Variants in QNG1 observed in about 807,000 individuals in gnomAD.
The protein encoded by QNG1 is queuosine 5'-phosphate N-glycosylase/hydrolase.
At chr9:83,943,913 C>G in the QNG1 span, among the ~76,000 whole-genome samples, 3 of 152,030 alleles carry the variant, frequency 2.0e-5, no homozygotes, top group African/African-American at 7.2e-5. Context: ...CCCAGCTACT[C>G]GGGAGGCTGA....
the QNG1 span, chr9:83,956,494 C>G: frequency 6.6e-7 from 1 of 1,522,026 alleles, no homozygotes. Flanking sequence ...TTTAGGAGCC[C>G]GTCCATTCTG....
the QNG1 span, among the ~76,000 whole-genome samples, chr9:83,947,519 C>T: frequency 1.3e-5 from 2 of 152,130 alleles, no homozygotes; most frequent in African/African-American, 4.8e-5. Flanking sequence ...TTTGCCTCTC[C>T]CTCTCCCTCG....
At chr9:83,948,668 G>C in the QNG1 span, among the ~76,000 whole-genome samples, 1 of 152,240 alleles carries the variant, frequency 6.6e-6, no homozygotes, top group Admixed American at 6.5e-5. Flanking sequence ...GAAATGTGGG[G>C]AAAGGAAAGA....
the QNG1 span, among the ~76,000 whole-genome samples, chr9:83,942,093 T>C: frequency 3.3e-5 from 5 of 152,220 alleles, no homozygotes; most frequent in Non-Finnish European, 7.3e-5. Context: ...TGCCAACATC[T>C]TGATTTCAGA....
At chr9:83,955,595 T>C in the QNG1 span, 1 of 1,614,062 alleles carries the variant, frequency 6.2e-7, no homozygotes, top group African/African-American at 1.3e-5. Flanking sequence ...CCGAACCTGA[T>C]CCAGGGTCAC....
the QNG1 span, among the ~76,000 whole-genome samples, chr9:83,948,448 G>T: frequency 4.9e-5 from 7 of 141,966 alleles, no homozygotes; most frequent in Non-Finnish European, 9.4e-5. Flanking sequence ...CCCCCCGCCC[G>T]GCCAGCCGCC....
At chr9:83,956,405 T>A in the QNG1 span, 1 of 1,596,352 alleles carries the variant, frequency 6.3e-7, no homozygotes, top group Non-Finnish European at 8.5e-7. Context: ...GCAGCAGCTC[T>A]GCCACCCTCC....
chr9:83,955,591 CTGA>C, the QNG1 span: 1 of 1,614,184 alleles, frequency 6.2e-7, no homozygotes, highest in South Asian at 1.1e-5. Context: ...TATTCCGAAC[CTGA>C]TCCAGGGTCA....
At chr9:83,956,252 G>A in the QNG1 span, 2 of 1,614,084 alleles carry the variant, frequency 1.2e-6, no homozygotes, top group Non-Finnish European at 1.7e-6. Flanking sequence ...ACTTGTGCTC[G>A]TCCTGCTCCG....
the QNG1 span, chr9:83,945,063 G>T: frequency 2.5e-6 from 3 of 1,190,108 alleles, no homozygotes; most frequent in Non-Finnish European, 2.3e-6. Context: ...TAAAGGTGCA[G>T]TTGAAACATT....
At chr9:83,956,387 C>T in the QNG1 span, 65 of 1,603,622 alleles carry the variant, frequency 4.1e-5, 1 homozygote, top group Middle Eastern at 8.4e-4. Flanking sequence ...GCCCCGCCGC[C>T]TTGGCCAGCA....
chr9:83,940,640 T>G, the QNG1 span, among the ~76,000 whole-genome samples: 6 of 152,266 alleles, frequency 3.9e-5, no homozygotes, highest in South Asian at 4.2e-4. Context: ...CATATTTTTC[T>G]TATGAGAGAA....
chr9:83,954,199 T>C, the QNG1 span, among the ~76,000 whole-genome samples: 1 of 152,108 alleles, frequency 6.6e-6, no homozygotes, highest in Non-Finnish European at 1.5e-5. Context: ...TGGCCAGAAA[T>C]ACTTTTTATT....
the QNG1 span, among the ~76,000 whole-genome samples, chr9:83,944,274 C>T: frequency 2.6e-5 from 4 of 152,346 alleles, no homozygotes; most frequent in South Asian, 4.1e-4. Flanking sequence ...ACAAACTTTT[C>T]AACCCAATTT....
chr9:83,955,738 G>A, the QNG1 span: 5 of 1,172,538 alleles, frequency 4.3e-6, no homozygotes, highest in Non-Finnish European at 4.9e-6. Flanking sequence ...AACCAAATGA[G>A]TGGTATAGGA....
chr9:83,950,572 G>A, the QNG1 span, among the ~76,000 whole-genome samples: 2 of 149,722 alleles, frequency 1.3e-5, no homozygotes, highest in Non-Finnish European at 3.0e-5. Context: ...CTATGACCAT[G>A]AGTTAATTTT....
the QNG1 span, among the ~76,000 whole-genome samples, chr9:83,954,879 CAAAAAAAA>C: frequency 8.8e-3 from 416 of 47,066 alleles, 1 homozygote; most frequent in African/African-American, 0.026. Flanking sequence ...GAGTCCATCT[CAAAAAAAA>C]AAAAAAAAAA....
At chr9:83,945,003 A>G in the QNG1 span, 1 of 1,585,586 alleles carries the variant, frequency 6.3e-7, no homozygotes, top group Non-Finnish European at 8.6e-7. Context: ...ATGAATGAAG[A>G]GAATATAAAC....
At chr9:83,944,376 G>C in the QNG1 span, among the ~76,000 whole-genome samples, 13 of 152,282 alleles carry the variant, frequency 8.5e-5, no homozygotes, top group Non-Finnish European at 1.2e-4. Flanking sequence ...AGTGACTTGT[G>C]CAAGATATCC....
Sources: allele counts gnomAD v4.1 joint callset (sites outside exome capture counted in the v4.1 genomes callset), GRCh38; gene constraint gnomAD v4.1.1; transcripts MANE v1.5; gene names NCBI Gene and HGNC (gene_info 2026-07-23, HGNC 2026-07-21).